The following WWOX variants were observed in gnomAD, a reference collection of about 807,000 sequenced individuals.
WWOX encodes the protein WW domain containing oxidoreductase, also known as WW domain-containing oxidoreductase.
In WWOX, 69 loss-of-function variants were observed where a neutral mutation model predicts 46.2. The observed-to-expected ratio is 1.49, with a 90% CI of 1.23 to 1.82. The LOEUF is 1.82. Ranked by LOEUF, WWOX falls within the 40% of genes most tolerant of loss-of-function variation. WWOX has a pLI of 0.00. For synonymous variants in WWOX, 359 were observed against 202.6 expected, an observed-to-expected ratio of 1.77 and a Z score of -6.56; for missense variants, 919 against 542.6, an observed-to-expected ratio of 1.69 and a Z score of -6.89.
chr16:78,453,864 T>C (rs893808677), intron 8 of WWOX, among the ~76,000 whole-genome samples: 2 of 152,194 alleles, frequency 1.3e-5, no homozygotes, highest in African/African-American at 4.8e-5. Context: ...AGATTTCATG[T>C]ATCTGTTTTC....
intron 8 of WWOX, among the ~76,000 whole-genome samples, chr16:78,783,149 TCCATCATTTATAATGGC>T (rs575039509): frequency 1.1e-4 from 17 of 152,326 alleles, no homozygotes; most frequent in Non-Finnish European, 1.8e-4. Context: ...AAAGCACATC[TCCATCATTTATAATGGC>T]CCATCATTTA....
rs555292751 is a variant in WWOX, at chr16:78,600,280, C to A, written c.1056+167528C>A. 1.6e-4 allele frequency among the ~76,000 whole-genome samples: 25 copies of A among 151,898 alleles called. 1 individual carries two copies. The highest frequency in any genetic ancestry group is 1.6e-3 in the Admixed American group (24 of 15,266). On this transcript the variant is annotated intron_variant, in intron 8 of 8. Coordinates refer to ENST00000566780, the MANE Select transcript of WWOX (RefSeq NM_016373.4). ...AGATTTGGATAGGGACACAGCCAAA[C>A]CATATCACAGGGTCACCTGTAGGTT...
intron 5 of WWOX, among the ~76,000 whole-genome samples, chr16:78,286,363 G>T (rs572449476): frequency 1.2e-3 from 177 of 152,312 alleles, no homozygotes; most frequent in African/African-American, 4.1e-3. Context: ...TGCAGCCCCA[G>T]ATGAGGTGGG....
intron 8 of WWOX, among the ~76,000 whole-genome samples, chr16:78,963,469 G>A (rs1457178140): frequency 1.3e-5 from 2 of 152,122 alleles, no homozygotes; most frequent in Non-Finnish European, 2.9e-5. Flanking sequence ...CCCCGTCTCA[G>A]AAACAAAAAC....
At chr16:78,402,649 G>A (rs1157208163) in intron 6 of WWOX, among the ~76,000 whole-genome samples, 1 of 152,078 alleles carries the variant, frequency 6.6e-6, no homozygotes, top group East Asian at 1.9e-4. Context: ...TTTTTCCTGG[G>A]GAGAAACTTA....
At chr16:78,755,087 T>C (rs2049607485) in intron 8 of WWOX, among the ~76,000 whole-genome samples, 1 of 151,380 alleles carries the variant, frequency 6.6e-6, no homozygotes, top group South Asian at 2.1e-4. Context: ...TTAGGACACA[T>C]ATCTAATGCA....
intron 8 of WWOX, among the ~76,000 whole-genome samples, chr16:78,557,952 C>T (rs2044346674): frequency 6.6e-6 from 1 of 152,090 alleles, no homozygotes; most frequent in Non-Finnish European, 1.5e-5. Flanking sequence ...CCACCTTGGC[C>T]TCCCAAAGTG....
At chr16:78,769,938 G>T (rs1374098771) in intron 8 of WWOX, among the ~76,000 whole-genome samples, 2 of 152,136 alleles carry the variant, frequency 1.3e-5, no homozygotes, top group Non-Finnish European at 2.9e-5. Context: ...CAGCTACTTG[G>T]CAGGCTGAAG....
intron 8 of WWOX, among the ~76,000 whole-genome samples, chr16:79,136,572 G>A (rs1248073850): frequency 6.6e-6 from 1 of 152,142 alleles, no homozygotes; most frequent in South Asian, 2.1e-4. Context: ...TTGTGATTGG[G>A]AGGAAAAAGT....
intron 8 of WWOX, among the ~76,000 whole-genome samples, chr16:79,069,785 G>C (rs1044686558): frequency 2.0e-5 from 3 of 152,066 alleles, no homozygotes; most frequent in African/African-American, 7.2e-5. Flanking sequence ...AGGAGGAGGA[G>C]GTTTCTGGGG....
intron 5 of WWOX, among the ~76,000 whole-genome samples, chr16:78,195,294 C>T (rs924179184): frequency 6.6e-6 from 1 of 152,130 alleles, no homozygotes; most frequent in African/African-American, 2.4e-5. Flanking sequence ...CTGACAGATG[C>T]CTCCACCTGG....
intron 8 of WWOX, among the ~76,000 whole-genome samples, chr16:78,562,210 C>A (rs2044456658): frequency 6.6e-6 from 1 of 152,154 alleles, no homozygotes; most frequent in African/African-American, 2.4e-5. Flanking sequence ...CTTTTGGGCA[C>A]AGGAGAAGGA....
At chr16:78,941,906 A>G (rs2045859355) in intron 8 of WWOX, among the ~76,000 whole-genome samples, 1 of 151,910 alleles carries the variant, frequency 6.6e-6, no homozygotes, top group South Asian at 2.1e-4. Flanking sequence ...TACGGCGCTG[A>G]TTAAGTTCTT....
chr16:78,554,210 G>A (rs2044236254), intron 8 of WWOX, among the ~76,000 whole-genome samples: 1 of 152,118 alleles, frequency 6.6e-6, no homozygotes, highest in Admixed American at 6.5e-5. Context: ...AGGACTTGGT[G>A]GCCAGATGCA....
chr16:78,631,694 C>T (rs1330328018), intron 8 of WWOX, among the ~76,000 whole-genome samples: 1 of 151,986 alleles, frequency 6.6e-6, no homozygotes, highest in Admixed American at 6.6e-5. Context: ...GCCACCGTGC[C>T]TGGCTATTTT....
intron 8 of WWOX, among the ~76,000 whole-genome samples, chr16:78,456,126 G>T (rs1266029685): frequency 6.6e-6 from 1 of 152,218 alleles, no homozygotes; most frequent in Non-Finnish European, 1.5e-5. Flanking sequence ...ACGGACTGAA[G>T]TGCCCAAGCT....
intron 8 of WWOX, among the ~76,000 whole-genome samples, chr16:78,916,578 C>T (rs561257367): frequency 1.4e-4 from 21 of 152,264 alleles, no homozygotes; most frequent in Admixed American, 1.0e-3. Context: ...AAATGAGATA[C>T]TGATAATAAT....
chr16:78,751,750 G>A (rs1461885804), intron 8 of WWOX, among the ~76,000 whole-genome samples: 1 of 150,902 alleles, frequency 6.6e-6, no homozygotes, highest in African/African-American at 2.4e-5. Flanking sequence ...AGGAAAGGAA[G>A]GAAGGAAGGA....
intron 4 of WWOX, among the ~76,000 whole-genome samples, chr16:78,128,489 G>A (rs1200650938): frequency 1.3e-5 from 2 of 152,156 alleles, no homozygotes; most frequent in African/African-American, 2.4e-5. Context: ...TGGGTGATGC[G>A]ATTTCTTCCT....
Sources: allele counts gnomAD v4.1 joint callset (sites outside exome capture counted in the v4.1 genomes callset), GRCh38; gene constraint gnomAD v4.1.1; transcripts MANE v1.5; gene names NCBI Gene and HGNC (gene_info 2026-07-23, HGNC 2026-07-21).